The following NOTCH1 variants were observed in gnomAD, a reference collection of about 807,000 sequenced individuals.
NOTCH1 encodes neurogenic locus notch homolog protein 1.
In NOTCH1, 37 loss-of-function variants were observed where a neutral mutation model predicts 254.8. That is an observed-to-expected ratio of 0.15 (90% CI 0.11 to 0.19). NOTCH1 has a LOEUF of 0.19. Among genes scored for constraint, NOTCH1 ranks in the 10% least tolerant of loss-of-function variants. The pLI, the probability that NOTCH1 is intolerant of heterozygous loss-of-function variation, is 1.00. For synonymous variants in NOTCH1, 1,731 were observed against 1,618.1 expected (o/e 1.07, Z -1.68); for missense variants, 2,972 against 3,708.6 (o/e 0.80, Z 5.16).
intron 33 of NOTCH1, among the ~76,000 whole-genome samples, chr9:136,498,638 G>C (rs1437070534): frequency 6.6e-6 from 1 of 152,198 alleles, no homozygotes; most frequent in East Asian, 1.9e-4. Context: ...GCCCAGGAGG[G>C]TAGGGCTGGG....
chr9:136,536,107 G>C (rs1199203888), intron 2 of NOTCH1, among the ~76,000 whole-genome samples: 2 of 152,190 alleles, frequency 1.3e-5, no homozygotes, highest in Non-Finnish European at 2.9e-5. Context: ...GAGATACACT[G>C]AAAGCAACCC....
At chr9:136,541,187 T>C (rs1055440028) in intron 2 of NOTCH1, among the ~76,000 whole-genome samples, 2 of 151,968 alleles carry the variant, frequency 1.3e-5, no homozygotes, top group Non-Finnish European at 2.9e-5. Flanking sequence ...TGCTGCCAGG[T>C]GCTTTCTACC....
chr9:136,508,767 C>A (rs1320249263), intron 19 of NOTCH1, 103 bp downstream of exon 19: 10 of 1,223,148 alleles, frequency 8.2e-6, no homozygotes, highest in Non-Finnish European at 1.0e-5. Flanking sequence ...GGGGGTGACC[C>A]CGAGCCGACA....
rs1201407249 is a variant in NOTCH1 at position 136,523,851 on chromosome 9, G to A, written c.269C>T (p.Ala90Val). 4.3e-6 allele frequency: 7 copies of A among 1,611,688 alleles called. No individual in the cohort carries two copies. Among genetic ancestry groups the A allele is most frequent in the Non-Finnish European group, 5.9e-6 (7 of 1,179,624 alleles). Reference protein sequence around the residue: ...RGVADYACSCALGFSGPLCLT... With the variant: ...RGVADYACSCVLGFSGPLCLT... ...GCAGAGGGGCCCAGAGAAGCCCAGGGCACAGCTGCAGGCATAGTCTGCCAC... is the reference window on the plus strand; with the variant it reads ...GCAGAGGGGCCCAGAGAAGCCCAGGACACAGCTGCAGGCATAGTCTGCCAC... Residue 90 changes from alanine to valine, a missense_variant, in exon 3 of 34, where the codon GCC becomes GTC. Ala to Val is a moderately conservative substitution (Grantham distance 64, BLOSUM62 0). Coordinates refer to ENST00000651671, the MANE Select transcript of NOTCH1 (RefSeq NM_017617.5).
intron 24 of NOTCH1, 86 bp from the exon 25 acceptor site, chr9:136,505,967 G>T (rs1457630362): frequency 4.1e-6 from 5 of 1,227,320 alleles, no homozygotes; most frequent in Non-Finnish European, 4.5e-6. Flanking sequence ...GGCCAGCAGT[G>T]CCACCGCTCT....
rs761586260 is a variant in NOTCH1, at chr9:136,506,840, G to C, written c.3777C>G (p.Phe1259Leu). The change falls in exon 23 of 34, where the codon TTC (phenylalanine) becomes TTG (leucine). Residue 1259 changes from phenylalanine to leucine, a missense_variant. Phe to Leu is a conservative substitution (Grantham distance 22). Coordinates refer to ENST00000651671, the MANE Select transcript of NOTCH1 (RefSeq NM_017617.5). This position sits in a 1 kb window ranked among gnomAD's most constrained non-coding sequence, Gnocchi z 4.5. ...GGYSCTCPPG[F>L]VGERCEGDVN... ...CATCCCCCTCACAGCGCTCACCCACGAAGCCCGGCGGGCAGGTGCAGCTGT... is the reference window on the plus strand; with the variant it reads ...CATCCCCCTCACAGCGCTCACCCACCAAGCCCGGCGGGCAGGTGCAGCTGT... The C allele has an allele frequency of 3.1e-6, 5 of 1,612,152 alleles. No homozygotes were observed. The South Asian group carries it at 5.5e-5, about 18-fold the overall frequency.
At position 136,527,453 on chromosome 9, in the gene NOTCH1, G is replaced by C. The variant is rs150029839; in HGVS notation, c.141-3474C>G. On this transcript the variant is annotated intron_variant, in intron 2 of 33. Transcript: ENST00000651671. ...TGGCCGAGTGAGGTGGCACCCAACA[G>C]CTGCCGCGCCCACGGGGATCCTCAG... Among the ~76,000 whole-genome samples, 783 of 152,354 alleles carry C rather than the reference G, an allele frequency of 5.1e-3. 5 individuals are homozygous for C. Among genetic ancestry groups the C allele is most frequent in the African/African-American group, 0.016 (661 of 41,588 alleles).
At chr9:136,502,873 TAAAAAAAGCCGTAATGA>T (rs1589057021) in intron 27 of NOTCH1, 1 of 599,114 alleles carries the variant, frequency 1.7e-6, no homozygotes, top group South Asian at 1.8e-5. Flanking sequence ...TTTTTTTCTT[TAAAAAAAGCCGTAATGA>T]TTTTGAAATA....
rs748956877 is a variant in NOTCH1 at position 136,506,519 on chromosome 9, G to C, written c.4014+8C>G. 3.2e-6 allele frequency: 5 copies of C among 1,581,962 alleles called. No homozygotes were observed. The African/African-American group carries it at 6.7e-5, about 21-fold the overall frequency. ...CGGGCCCCTGCCTCCCTGCACCCCT[G>C]CACCTACCGCAGGGCACTTGCAGAT... On this transcript the variant is annotated splice_region_variant and intron_variant, in intron 24 of 33. Transcript: ENST00000651671. This position sits in a 1 kb window ranked among gnomAD's most constrained non-coding sequence, Gnocchi z 4.5.
At chr9:136,524,422 G>A (rs9411255) in intron 2 of NOTCH1, among the ~76,000 whole-genome samples, 63,725 of 152,142 alleles carry the variant, frequency 0.42, 14,597 homozygotes, top group East Asian at 0.81. Context: ...GTCTACACCC[G>A]CGGAGAGCCA....
At chr9:136,522,511 GC>G (rs1456180781) in intron 4 of NOTCH1, 8 of 334,758 alleles carry the variant, frequency 2.4e-5, no homozygotes, top group Non-Finnish European at 4.3e-5. Flanking sequence ...GCCCTCTCCG[GC>G]CCCAGCCCCA....
At chr9:136,523,262 C>A (rs1357799092) in intron 3 of NOTCH1, 74 bp from the exon 4 acceptor site, 30 of 1,427,448 alleles carry the variant, frequency 2.1e-5, no homozygotes, top group Non-Finnish European at 3.8e-6. Flanking sequence ...CCCTTCAGGC[C>A]ACCTGGAGGT....
chr9:136,500,742 T>C lies in NOTCH1; in HGVS notation c.5744A>G (p.Tyr1915Cys). 1.2e-6 allele frequency: 2 copies of C among 1,607,212 alleles called. No individual in the cohort carries two copies. Among genetic ancestry groups the C allele is most frequent in the Admixed American group, 1.7e-5 (1 of 60,024 alleles). Residue 1915 changes from tyrosine to cysteine, a missense_variant, in exon 31 of 34, where the codon TAC (tyrosine) becomes TGC (cysteine). Around this residue, in one of 8 missense-constraint regions of NOTCH1, gnomAD observed 421 missense variants for 604.4 expected, o/e 0.70. Transcript: ENST00000651671. ...DAPAVISDFIYQGASLHNQTD... is the reference protein window; with the variant it reads ...DAPAVISDFICQGASLHNQTD... ...CTGGTTGTGCAGGCTGGCGCCCTGG[T>C]AGATGAAGTCGGAGATGACGGCCGG...
chr9:136,509,641 G>A (rs2133349917), intron 18 of NOTCH1, 92 bp downstream of exon 18: 1 of 1,180,828 alleles, frequency 8.5e-7, no homozygotes, highest in African/African-American at 1.5e-5. Flanking sequence ...GCCGGCCTAG[G>A]CGGACGCCTG....
chr9:136,500,997 C>G, intron 30 of NOTCH1, 150 bp from the exon 31 acceptor site: 5 of 891,606 alleles, frequency 5.6e-6, no homozygotes. Flanking sequence ...CACCAAGGGG[C>G]AGCTGAAGTC....
intron 19 of NOTCH1, 47 bp downstream of exon 19, chr9:136,508,823 C>T (rs532020476): frequency 1.1e-4 from 163 of 1,509,570 alleles, no homozygotes; most frequent in South Asian, 3.7e-5. Context: ...AGGTAGGCAC[C>T]CACCCAGGGC....
rs1564189649 is a variant in NOTCH1 at position 136,503,344 on chromosome 9, C to G, written c.5019-14G>C. ...TAGACGATGGAGCTGGGCGGACAATCAGAGAGGGGCTGGGACCCGAGGCTT... is the reference window on the plus strand; with the variant it reads ...TAGACGATGGAGCTGGGCGGACAATGAGAGAGGGGCTGGGACCCGAGGCTT... On this transcript the variant is annotated splice_polypyrimidine_tract_variant and intron_variant, in intron 26 of 33. Coordinates refer to ENST00000651671, the MANE Select transcript of NOTCH1 (RefSeq NM_017617.5). 6.2e-7 allele frequency: 1 copy of G among 1,611,932 alleles called. No individual in the cohort carries two copies. The highest frequency in any genetic ancestry group is 1.1e-5 in the South Asian group (1 of 91,070).
chr9:136,501,971 G>A (rs377234129), intron 29 of NOTCH1, 30 bp downstream of exon 29: 18 of 1,611,462 alleles, frequency 1.1e-5, no homozygotes, highest in Non-Finnish European at 1.5e-5. Context: ...GTGCCCGGGA[G>A]CCCAGGAGCC....
At chr9:136,535,648 T>C (rs55871912) in intron 2 of NOTCH1, among the ~76,000 whole-genome samples, 79 of 504 alleles carry the variant, frequency 0.16, 23 homozygotes, top group South Asian at 0.33. Context: ...GGATCCCTCC[T>C]GGGGCAATGG....
Sources: allele counts gnomAD v4.1 joint callset (sites outside exome capture counted in the v4.1 genomes callset), GRCh38; gene constraint gnomAD v4.1.1; regional missense constraint gnomAD v4.1.1; non-coding constraint Gnocchi (gnomAD v3.1); transcripts MANE v1.5; gene names NCBI Gene and HGNC (gene_info 2026-07-23, HGNC 2026-07-21).